Variants in SHISAL2B observed in about 807,000 individuals in gnomAD.
The protein encoded by SHISAL2B is shisa like 2B.
In SHISAL2B, 12 loss-of-function variants were observed where a neutral mutation model predicts 16.5. That is an observed-to-expected ratio of 0.73 (90% CI 0.47 to 1.18). The LOEUF (loss-of-function observed/expected upper bound fraction) is 1.18. Among genes scored for constraint, SHISAL2B ranks in the 50% most tolerant of loss-of-function variants. The pLI is 0.00. For missense variants in SHISAL2B, 183 were observed against 193.6 expected (o/e 0.95, Z 0.33); for synonymous variants, 72 against 75.0 (o/e 0.96, Z 0.21).
chr5:64,713,023 A>T (rs922966448), intron 2 of SHISAL2B, among the ~76,000 whole-genome samples: 12 of 151,666 alleles, frequency 7.9e-5, no homozygotes, highest in Non-Finnish European at 1.2e-4. Flanking sequence ...TTAATTGGAG[A>T]ATTTAGTCCA....
At chr5:64,714,862 G>C (rs1394508248) in intron 2 of SHISAL2B, among the ~76,000 whole-genome samples, 4 of 152,128 alleles carry the variant, frequency 2.6e-5, no homozygotes, top group Non-Finnish European at 5.9e-5. Context: ...GACCCCTTGC[G>C]CTTCCCAGGT....
intron 2 of SHISAL2B, among the ~76,000 whole-genome samples, chr5:64,715,305 A>G (rs545410058): frequency 6.6e-6 from 1 of 152,276 alleles, no homozygotes; most frequent in South Asian, 2.1e-4. Flanking sequence ...AAAAAAAATT[A>G]AAAACTCATA....
At chr5:64,711,279 G>T (rs2112070974) in intron 2 of SHISAL2B, among the ~76,000 whole-genome samples, 1 of 146,292 alleles carries the variant, frequency 6.8e-6, no homozygotes, top group Admixed American at 6.7e-5. Context: ...GGCTTTTTCT[G>T]CATGTATTGA....
intron 2 of SHISAL2B, among the ~76,000 whole-genome samples, chr5:64,700,110 C>T (rs910542392): frequency 6.6e-6 from 1 of 152,040 alleles, no homozygotes; most frequent in East Asian, 1.9e-4. Context: ...ACAGGACGTA[C>T]AAAGAAAAAG....
intron 2 of SHISAL2B, among the ~76,000 whole-genome samples, chr5:64,708,222 A>G (rs1741901194): frequency 6.6e-6 from 1 of 152,176 alleles, no homozygotes. Context: ...TTCATATTTG[A>G]CAATGCTTCC....
chr5:64,714,541 G>A (rs1410090172), intron 2 of SHISAL2B, among the ~76,000 whole-genome samples: 1 of 151,928 alleles, frequency 6.6e-6, no homozygotes, highest in Non-Finnish European at 1.5e-5. Context: ...AGGCAGGCAG[G>A]CCTCCTTGAG....
chr5:64,714,636 AG>A (rs1159674932), intron 2 of SHISAL2B, among the ~76,000 whole-genome samples: 3 of 152,088 alleles, frequency 2.0e-5, no homozygotes, highest in South Asian at 4.2e-4. Context: ...CCCCTCCCCC[AG>A]CCTGGCTGCC....
chr5:64,707,137 C>G (rs1372691289), intron 2 of SHISAL2B, among the ~76,000 whole-genome samples: 1 of 152,116 alleles, frequency 6.6e-6, no homozygotes, highest in African/African-American at 2.4e-5. Flanking sequence ...AAGCTTTAGT[C>G]TTATGCTTGG....
At chr5:64,700,087 T>C (rs1419396587) in intron 2 of SHISAL2B, among the ~76,000 whole-genome samples, 3 of 152,184 alleles carry the variant, frequency 2.0e-5, no homozygotes, top group Non-Finnish European at 4.4e-5. Flanking sequence ...CCATTGCTTG[T>C]AAATTGTTCT....
chr5:64,692,946 C>G (rs1390147683), intron 1 of SHISAL2B, among the ~76,000 whole-genome samples: 1 of 151,896 alleles, frequency 6.6e-6, no homozygotes, highest in Non-Finnish European at 1.5e-5. Flanking sequence ...TAGGAGTCTC[C>G]TGGAGCTCCA....
In SHISAL2B at chr5:64,692,546, C is replaced by T. The variant is rs566327057; in HGVS notation, c.191+1732C>T. Reference sequence around the variant, plus strand: ...AATTTATTAGAGCTTCATTTGCCCCCTATTCTTTGCTCTCCACTCCTAATT... The same window carrying T: ...AATTTATTAGAGCTTCATTTGCCCCTTATTCTTTGCTCTCCACTCCTAATT... On this transcript the variant is annotated intron_variant, in intron 1 of 2. Coordinates refer to ENST00000389074, the MANE Select transcript of SHISAL2B (RefSeq NM_001164442.2). 5.3e-5 allele frequency among the ~76,000 whole-genome samples: 8 copies of T among 152,314 alleles called. No individual in the cohort carries two copies. In the South Asian group the frequency reaches 8.3e-4, roughly 16 times the overall value.
At chr5:64,713,685 C>T (rs1012950438) in intron 2 of SHISAL2B, among the ~76,000 whole-genome samples, 3 of 127,558 alleles carry the variant, frequency 2.4e-5, no homozygotes, top group South Asian at 2.5e-4. Context: ...ACCAATCAGA[C>T]GCAGATTTGG....
At chr5:64,699,182 A>G (rs984975857) in intron 2 of SHISAL2B, among the ~76,000 whole-genome samples, 1 of 152,192 alleles carries the variant, frequency 6.6e-6, no homozygotes, top group African/African-American at 2.4e-5. Context: ...TGACAAATCA[A>G]TTCAGTACAC....
chr5:64,697,338 A>C (rs991712545), intron 2 of SHISAL2B, among the ~76,000 whole-genome samples: 3 of 152,238 alleles, frequency 2.0e-5, no homozygotes, highest in Admixed American at 2.0e-4. Flanking sequence ...AGAAATAGAA[A>C]AAATAAGTAG....
chr5:64,712,557 A>G (rs369345868), intron 2 of SHISAL2B, among the ~76,000 whole-genome samples: 59 of 150,846 alleles, frequency 3.9e-4, no homozygotes, highest in African/African-American at 1.3e-3. Flanking sequence ...TATTAGGTCC[A>G]CTTGGTGCAG....
rs1298837693 is a variant in SHISAL2B, at chr5:64,695,077, C to A, written c.192-430C>A. On this transcript the variant is annotated intron_variant, in intron 1 of 2. Coordinates refer to ENST00000389074, the MANE Select transcript of SHISAL2B (RefSeq NM_001164442.2). Reference sequence around the variant, plus strand: ...CTCAGGAGTTCGAGACCATCCTGGGCAACATGGTGAAACCCCGTTTCTACT... The same window carrying A: ...CTCAGGAGTTCGAGACCATCCTGGGAAACATGGTGAAACCCCGTTTCTACT... 2.0e-5 allele frequency among the ~76,000 whole-genome samples: 3 copies of A among 152,122 alleles called. No homozygotes were observed. The South Asian group carries it at 6.2e-4, about 32-fold the overall frequency.
intron 1 of SHISAL2B, chr5:64,694,306 G>T (rs945275517): frequency 1.2e-5 from 3 of 247,390 alleles, no homozygotes; most frequent in Non-Finnish European, 2.4e-5. Context: ...TACCATGAAA[G>T]TTGACAGAAG....
chr5:64,715,697 G>A (rs919010821), intron 2 of SHISAL2B, among the ~76,000 whole-genome samples: 1 of 152,220 alleles, frequency 6.6e-6, no homozygotes, highest in African/African-American at 2.4e-5. Flanking sequence ...TAAGTGCTAT[G>A]TAAGTATTAA....
At chr5:64,699,732 C>T (rs1200892693) in intron 2 of SHISAL2B, among the ~76,000 whole-genome samples, 3 of 152,130 alleles carry the variant, frequency 2.0e-5, no homozygotes, top group African/African-American at 7.2e-5. Flanking sequence ...TGTGTACATA[C>T]TAAATTGACT....
Sources: allele counts gnomAD v4.1 joint callset (sites outside exome capture counted in the v4.1 genomes callset), GRCh38; gene constraint gnomAD v4.1.1; transcripts MANE v1.5; gene names NCBI Gene and HGNC (gene_info 2026-07-23, HGNC 2026-07-21).